The following HMCN2 variants were observed in gnomAD, a reference collection of about 807,000 sequenced individuals.
HMCN2 encodes the protein hemicentin-2.
A neutral mutation model predicts 377.5 loss-of-function variants in HMCN2; 325 were observed. The observed-to-expected ratio is 0.86, with a 90% CI of 0.79 to 0.94. The LOEUF (loss-of-function observed/expected upper bound fraction) is 0.94, where lower values mean the gene tolerates loss of function less well. Ranked by LOEUF, HMCN2 falls within the 40% of genes least tolerant of loss-of-function variation. The probability of loss-of-function intolerance (pLI) is 0.00; values close to 1 mark genes in which losing one functional copy is unlikely to be tolerated. For synonymous variants in HMCN2, 2,007 were observed against 2,046.8 expected (o/e 0.98, Z 0.53); for missense variants, 4,543 against 4,725.3 (o/e 0.96, Z 1.13).
At chr9:130,384,826 A>T (rs182006368) in intron 59 of HMCN2, 28 bp downstream of exon 59, 1 of 1,250,142 alleles carries the variant, frequency 8.0e-7, no homozygotes, top group African/African-American at 1.5e-5. Context: ...CCCAACTTGT[A>T]CTGTCCCCAC....
intron 53 of HMCN2, among the ~76,000 whole-genome samples, chr9:130,378,268 A>C (rs1173926202): frequency 2.0e-5 from 3 of 147,008 alleles, no homozygotes; most frequent in African/African-American, 7.7e-5. Context: ...GAAAGGAGGG[A>C]GCCGGGAGTC....
At chr9:130,294,751 G>T (rs1386567490) in intron 4 of HMCN2, 104 bp from the exon 5 acceptor site, 3 of 344,892 alleles carry the variant, frequency 8.7e-6, no homozygotes, top group Non-Finnish European at 1.8e-5. Flanking sequence ...GAGGAGTGGG[G>T]TGGCCTTGGG....
intron 80 of HMCN2, 96 bp downstream of exon 80, chr9:130,403,971 CT>C: frequency 9.0e-7 from 1 of 1,109,700 alleles, no homozygotes; most frequent in Non-Finnish European, 1.2e-6. Context: ...GGGCACACTG[CT>C]TATAGTTCTA....
At chr9:130,281,758 G>A (rs983632414) in intron 1 of HMCN2, among the ~76,000 whole-genome samples, 7 of 152,054 alleles carry the variant, frequency 4.6e-5, no homozygotes, top group African/African-American at 1.7e-4. Context: ...GCCGGGTGTG[G>A]TGGCATGCAC....
chr9:130,279,859 A>G (rs10988675), intron 1 of HMCN2, among the ~76,000 whole-genome samples: 23,028 of 152,134 alleles, frequency 0.15, 2,169 homozygotes, highest in South Asian at 0.21. Flanking sequence ...ACGGCTCTTG[A>G]GAAGGGAGAT....
chr9:130,286,338 G>T (rs917522578), intron 4 of HMCN2, 28 bp downstream of exon 4: 8 of 469,676 alleles, frequency 1.7e-5, no homozygotes, highest in Non-Finnish European at 3.5e-5. Context: ...GCACCATCCC[G>T]GAGCCCATCA....
At chr9:130,327,848 G>C (rs1483236382) in intron 22 of HMCN2, among the ~76,000 whole-genome samples, 1 of 152,186 alleles carries the variant, frequency 6.6e-6, no homozygotes, top group Non-Finnish European at 1.5e-5. Flanking sequence ...CCACGTCCCC[G>C]CCACGACACA....
At chr9:130,284,868 G>A (rs187624324) in intron 2 of HMCN2, among the ~76,000 whole-genome samples, 195 bp downstream of exon 2, 33 of 152,328 alleles carry the variant, frequency 2.2e-4, no homozygotes, top group Middle Eastern at 6.8e-3. Flanking sequence ...CGAAGTACTC[G>A]TCACGGTGCT....
chr9:130,424,003 T>C (rs1380933373), intron 87 of HMCN2, among the ~76,000 whole-genome samples: 3 of 151,722 alleles, frequency 2.0e-5, no homozygotes, highest in Non-Finnish European at 4.4e-5. Context: ...TTTTTGAGAC[T>C]GCTTCTCGCT....
chr9:130,273,589 C>T (rs1665799586), intron 1 of HMCN2, among the ~76,000 whole-genome samples: 1 of 152,122 alleles, frequency 6.6e-6, no homozygotes, highest in Admixed American at 6.5e-5. Context: ...CCTCCGTCCC[C>T]CAGGCTCAAG....
intron 94 of HMCN2, chr9:130,429,944 A>T: frequency 1.5e-6 from 1 of 649,176 alleles, no homozygotes. Flanking sequence ...TCTTCCGGGG[A>T]ATTTCAGGAG....
intron 85 of HMCN2, among the ~76,000 whole-genome samples, chr9:130,411,616 A>AG (rs1435588885): frequency 4.6e-5 from 7 of 151,882 alleles, no homozygotes; most frequent in African/African-American, 1.7e-4. Flanking sequence ...AAAAAAAAAA[A>AG]AAGAACAAAA....
Position 130,414,678 on chromosome 9 carries a change from C to T in HMCN2, c.12961+4026C>T, listed in dbSNP as rs1462767369. ...CCAGGCTGGAGTGCAGTGACATGAT[C>T]AGGGCTCACTGCAGCCTGGGCTCGG... On this transcript the variant is annotated intron_variant, in intron 85 of 97. Transcript: ENST00000683500. This position sits in a 1 kb window ranked among gnomAD's most constrained non-coding sequence, Gnocchi z 4.4. 1.3e-5 allele frequency among the ~76,000 whole-genome samples: 2 copies of T among 151,062 alleles called. No homozygotes were observed. The highest frequency in any genetic ancestry group is 6.6e-5 in the Admixed American group (1 of 15,168).
intron 54 of HMCN2, among the ~76,000 whole-genome samples, chr9:130,379,688 CA>C (rs1382463159): frequency 6.6e-6 from 1 of 152,194 alleles, no homozygotes; most frequent in Admixed American, 6.5e-5. Flanking sequence ...TTCTGGGCTT[CA>C]AGATCTGTAA....
At chr9:130,419,879 C>T (rs1358853739) in intron 86 of HMCN2, among the ~76,000 whole-genome samples, 2 of 152,192 alleles carry the variant, frequency 1.3e-5, no homozygotes, top group African/African-American at 2.4e-5. Flanking sequence ...GTGAAACCCA[C>T]TGCCAACCAA....
intron 48 of HMCN2, 123 bp downstream of exon 48, chr9:130,373,247 C>T (rs763499042): frequency 1.7e-5 from 3 of 173,014 alleles, no homozygotes; most frequent in African/African-American, 2.4e-5. Flanking sequence ...GGTCTCTCTA[C>T]ATCTTGGACT....
chr9:130,329,140 C>A (rs1283550332), intron 22 of HMCN2, among the ~76,000 whole-genome samples: 1 of 152,198 alleles, frequency 6.6e-6, no homozygotes, highest in Non-Finnish European at 1.5e-5. Context: ...TACTCATTGG[C>A]AGCCACCAGC....
Position 130,368,295 on chromosome 9 carries a change from G to A in HMCN2, c.6645G>A (p.Glu2215=). 1 of 985,784 alleles carries A rather than the reference G, an allele frequency of 1.0e-6. No homozygotes were observed. 61.1% of individuals were successfully genotyped at this position (985,784 alleles called of 1,614,324 possible). Reference sequence around the variant, plus strand: ...ACCCAGGTCAACCCCTCCCCGGGGAGGGGGCTGGCCTCCAGCACGTGTCGG... The same window carrying A: ...ACCCAGGTCAACCCCTCCCCGGGGAAGGGGCTGGCCTCCAGCACGTGTCGG... The part of the protein sequence containing the change: ...WRKDGQPLPG[E]GAGLQHVSAV... Residue 2215 remains glutamate, a synonymous_variant, in exon 44 of 98, where the codon GAG becomes GAA. Coordinates refer to ENST00000683500, the MANE Select transcript of HMCN2 (RefSeq NM_001291815.2).
chr9:130,426,024 C>A, intron 90 of HMCN2, 100 bp downstream of exon 90: 1 of 890,816 alleles, frequency 1.1e-6, no homozygotes, highest in Non-Finnish European at 1.7e-6. Flanking sequence ...CCCTAACATC[C>A]ACTGACCATG....
Sources: allele counts gnomAD v4.1 joint callset (sites outside exome capture counted in the v4.1 genomes callset), GRCh38; gene constraint gnomAD v4.1.1; non-coding constraint Gnocchi (gnomAD v3.1); transcripts MANE v1.5; gene names NCBI Gene and HGNC (gene_info 2026-07-23, HGNC 2026-07-21).